PDHA1: variants seen among roughly 807,000 people sequenced by gnomAD.
PDHA1 encodes pyruvate dehydrogenase E1 subunit alpha 1.
In PDHA1, 1 loss-of-function variant was observed where a neutral mutation model predicts 33.0. The observed-to-expected ratio is 0.03, with a 90% CI of 0.01 to 0.14. The LOEUF is 0.14. Among genes scored for constraint, PDHA1 ranks in the 10% least tolerant of loss-of-function variants. The pLI is 1.00. For missense variants in PDHA1, 168 were observed against 325.1 expected (o/e 0.52, Z 3.72); for synonymous variants, 123 against 119.2 (o/e 1.03, Z -0.21).
chrX:19,359,872 G>A lies in PDHA1; in HGVS notation c.*219G>A. Reference sequence around the variant, plus strand: ...TAAAGATTATTTTTGACTTAAAATAGTATACTTTGAACAAATACTCTAATT... The same window carrying A: ...TAAAGATTATTTTTGACTTAAAATAATATACTTTGAACAAATACTCTAATT... On this transcript the variant is annotated 3_prime_UTR_variant, in exon 11 of 11. Transcript: ENST00000422285. 4.5e-6 allele frequency: 2 copies of A among 444,294 alleles called. No homozygotes were observed. Among genetic ancestry groups the A allele is most frequent in the Non-Finnish European group, 8.0e-6 (2 of 250,422 alleles). 36.6% of individuals were successfully genotyped at this position (444,294 alleles called of 1,213,427 possible). A position where few individuals can be genotyped will look rare whatever the true frequency, so the allele number is the denominator to read the frequency against.
At chrX:19,353,649 G>A (rs917018774) in intron 5 of PDHA1, among the ~76,000 whole-genome samples, 2 of 111,975 alleles carry the variant, frequency 1.8e-5, no homozygotes, top group African/African-American at 6.5e-5. Context: ...TAAAGACCTA[G>A]TGCTTCATAT....
intron 2 of PDHA1, 89 bp from the exon 3 acceptor site, chrX:19,349,848 A>G: frequency 1.4e-6 from 1 of 738,323 alleles, no homozygotes; most frequent in Non-Finnish European, 2.1e-6. Context: ...CAAGTTCAAT[A>G]TTATTTGCAA....
chrX:19,345,911 G>A (rs2063129939), intron 1 of PDHA1: 1 of 146,731 alleles, frequency 6.8e-6, no homozygotes, highest in African/African-American at 3.2e-5. Flanking sequence ...AACCATTCCT[G>A]AAGCTTTTAA....
At chrX:19,349,877 TG>T in intron 2 of PDHA1, 59 bp from the exon 3 acceptor site, 1 of 925,690 alleles carries the variant, frequency 1.1e-6, no homozygotes, top group Non-Finnish European at 1.6e-6. Flanking sequence ...GATCTTAGAG[TG>T]GTCAACAGTG....
Position 19,355,388 on chromosome X carries a change from A to G in PDHA1, c.643A>G (p.Lys215Glu). 8.3e-7 allele frequency: 1 copy of G among 1,211,690 alleles called. No individual in the cohort carries two copies. The highest frequency in any genetic ancestry group is 1.7e-5 in the African/African-American group (1 of 57,881). Residue 215 changes from lysine (K) to glutamate (E), a missense_variant, in exon 7 of 11, where the codon AAA becomes GAA. Coordinates refer to ENST00000422285, the MANE Select transcript of PDHA1 (RefSeq NM_000284.4). ...FEAYNMAALW[K>E]LPCIFICENN... ...AGCTTACAACATGGCAGCTTTGTGG[A>G]AATTACCTTGTATTTTCATCTGTGA...
Position 19,350,149 on chromosome X carries a change from T to C in PDHA1, c.291+39T>C, listed in dbSNP as rs767804183. The C allele has an allele frequency of 1.6e-5, 16 of 1,007,261 alleles. No homozygotes were observed. In the East Asian group the frequency reaches 3.0e-4, roughly 19 times the overall value. The allele number at this position is 1,007,261 out of a possible 1,213,427, so 83.0% of individuals were successfully genotyped here. ...TTGTGGTGGAACTGTGTTATTTAGG[T>C]ACTGAAGTATGGCTTGTACTTATTG... is the stretch of plus-strand genomic sequence containing the variant. On this transcript the variant is annotated intron_variant, in intron 3 of 10. Coordinates refer to ENST00000422285, the MANE Select transcript of PDHA1 (RefSeq NM_000284.4).
chrX:19,346,335 G>C (rs1473694834), intron 1 of PDHA1, among the ~76,000 whole-genome samples: 1 of 111,793 alleles, frequency 8.9e-6, no homozygotes, highest in Admixed American at 9.5e-5. Flanking sequence ...CTTTCGTTTT[G>C]TTTGAGACAG....
rs1226942527 is a variant in PDHA1, at chrX:19,361,663, A to C, written c.*2010A>C. The C allele has an allele frequency of 2.8e-6, 2 of 725,271 alleles. No individual in the cohort carries two copies. Among genetic ancestry groups the C allele is most frequent in the African/African-American group, 4.3e-5 (2 of 46,945 alleles). 59.8% of individuals were successfully genotyped at this position (725,271 alleles called of 1,213,427 possible). On this transcript the variant is annotated 3_prime_UTR_variant, in exon 11 of 11. Transcript: ENST00000422285. ...CTCTTCAAAAGTAACCAGTTGGATT[A>C]ATAAATGATTCCAGAATGTAAATGT...
intron 5 of PDHA1, among the ~76,000 whole-genome samples, chrX:19,354,015 C>A (rs770229748): frequency 9.0e-6 from 1 of 111,349 alleles, no homozygotes; most frequent in East Asian, 2.8e-4. Flanking sequence ...GGTGTAATCT[C>A]AGCTCACTGC....
Position 19,359,375 on chromosome X carries a change from T to G in PDHA1, c.1009-114T>G, listed in dbSNP as rs181223209. 1.0e-5 allele frequency: 6 copies of G among 597,870 alleles called. No individual in the cohort carries two copies. In the African/African-American group the frequency reaches 1.3e-4, roughly 13 times the overall value. The allele number at this position is 597,870 out of a possible 1,213,427, so 49.3% of individuals were successfully genotyped here. On this transcript the variant is annotated intron_variant, in intron 10 of 10. Transcript: ENST00000422285. ...TTCCAAAATCTTCTGAATTAGCAAC[T>G]GTTCGTACTTGTAGTTAAAGAGTTA...
At chrX:19,347,224 T>G (rs1569189371) in intron 1 of PDHA1, among the ~76,000 whole-genome samples, 1 of 111,641 alleles carries the variant, frequency 9.0e-6, no homozygotes, top group Non-Finnish European at 1.9e-5. Context: ...TTTGAGTGGG[T>G]TGTTCGTGGT....
At chrX:19,347,467 G>C (rs764070059) in intron 1 of PDHA1, among the ~76,000 whole-genome samples, 11 of 112,780 alleles carry the variant, frequency 9.8e-5, no homozygotes, top group Non-Finnish European at 2.1e-4. Context: ...CTTTCTGGCA[G>C]TCCTAATCTT....
intron 1 of PDHA1, among the ~76,000 whole-genome samples, chrX:19,345,572 TAAAAAAAA>T (rs11318265): frequency 1.6e-3 from 48 of 30,272 alleles, no homozygotes; most frequent in South Asian, 5.7e-3. Flanking sequence ...CTCCGTATTT[TAAAAAAAA>T]AAAAAAAAAA....
At chrX:19,349,765 G>T (rs2063153699) in intron 2 of PDHA1, among the ~76,000 whole-genome samples, 172 bp from the exon 3 acceptor site, 1 of 111,822 alleles carries the variant, frequency 8.9e-6, no homozygotes, top group African/African-American at 3.3e-5. Flanking sequence ...CCATCTCATT[G>T]CACAGTGAGG....
chrX:19,360,919 GAAAAT>G lies in PDHA1; in HGVS notation c.*1271_*1275del. Reference sequence around the variant, plus strand: ...GCAGTCCCTAATTTAAAAACCTAATGAAAATAAAAACATTCTCCTCACATATGGAG... The same window carrying G: ...GCAGTCCCTAATTTAAAAACCTAATGAAAAACATTCTCCTCACATATGGAG... On this transcript the variant is annotated 3_prime_UTR_variant, in exon 11 of 11. Transcript: ENST00000422285. The G allele has an allele frequency of 1.4e-6, 1 of 720,923 alleles. No homozygotes were observed. 59.4% of individuals were successfully genotyped at this position (720,923 alleles called of 1,213,427 possible). A position where few individuals can be genotyped will look rare whatever the true frequency, so the allele number is the denominator to read the frequency against.
intron 1 of PDHA1, among the ~76,000 whole-genome samples, chrX:19,344,340 A>G (rs950056976): frequency 4.4e-5 from 5 of 113,237 alleles, no homozygotes; most frequent in Non-Finnish European, 7.5e-5. Flanking sequence ...CCCCGGGCCC[A>G]GCTGTGCGCC....
intron 2 of PDHA1, among the ~76,000 whole-genome samples, chrX:19,349,690 A>G (rs2063153379): frequency 8.9e-6 from 1 of 112,433 alleles, no homozygotes; most frequent in South Asian, 3.7e-4. Context: ...TTCAACCTAT[A>G]ACTCAGTTGG....
At chrX:19,359,465 T>TTTACACTG (rs1569193983) in intron 10 of PDHA1, 24 bp from the exon 11 acceptor site, 1 of 1,192,381 alleles carries the variant, frequency 8.4e-7, no homozygotes, top group East Asian at 3.0e-5. Context: ...TCTAAAACCT[T>TTTACACTG]TTACACTGTT....
chrX:19,344,045 A>G lies in PDHA1; in HGVS notation c.8A>G (p.Lys3Arg), dbSNP rs753208097. The G allele has an allele frequency of 8.3e-7, 1 of 1,208,119 alleles. No individual in the cohort carries two copies. Among genetic ancestry groups the G allele is most frequent in the Admixed American group, 2.2e-5 (1 of 46,074 alleles). The change falls in exon 1 of 11, where the codon AAG becomes AGG. Residue 3 changes from lysine (K) to arginine (R), a missense_variant. By Grantham distance (26) the Lys-to-Arg change is conservative. This residue lies in a region of PDHA1 where 46 missense variants were observed against 47.4 expected (regional missense o/e 0.97). Coordinates refer to ENST00000422285, the MANE Select transcript of PDHA1 (RefSeq NM_000284.4). Reference sequence around the variant, plus strand: ...CGCCACTGCCTGTGCTTCATGAGGAAGATGCTCGCCGCCGTCTCCCGCGTG... The same window carrying G: ...CGCCACTGCCTGTGCTTCATGAGGAGGATGCTCGCCGCCGTCTCCCGCGTG... Reference protein sequence around the residue: MRKMLAAVSRVLS... With the variant: MRRMLAAVSRVLS...
Sources: allele counts gnomAD v4.1 joint callset (sites outside exome capture counted in the v4.1 genomes callset), GRCh38; gene constraint gnomAD v4.1.1; regional missense constraint gnomAD v4.1.1; transcripts MANE v1.5; gene names NCBI Gene and HGNC (gene_info 2026-07-23, HGNC 2026-07-21).